The following GALNT17 variants were observed in gnomAD, a reference collection of about 807,000 sequenced individuals.
GALNT17 encodes polypeptide N-acetylgalactosaminyltransferase 17, also known as UDP-GalNAc:polypeptide N-acetylgalactosaminyltransferase-like 3.
In GALNT17, 29 loss-of-function variants were observed where a neutral mutation model predicts 63.7. The observed-to-expected ratio is 0.46, with a 90% CI of 0.34 to 0.62. The LOEUF (loss-of-function observed/expected upper bound fraction) is 0.62, where lower values mean the gene tolerates loss of function less well. Ranked by LOEUF, GALNT17 falls within the 20% of genes least tolerant of loss-of-function variation. The pLI is 0.01. For missense variants in GALNT17, 603 were observed against 799.6 expected (o/e 0.75, Z 2.97); for synonymous variants, 305 against 318.3 (o/e 0.96, Z 0.45).
At chr7:71,409,096 G>A (rs1793385505) in intron 3 of GALNT17, among the ~76,000 whole-genome samples, 1 of 150,614 alleles carries the variant, frequency 6.6e-6, no homozygotes, top group African/African-American at 2.5e-5. Context: ...TTTGGAAATG[G>A]CATGCCAAAC....
At chr7:71,322,285 G>T (rs1277672992) in intron 1 of GALNT17, among the ~76,000 whole-genome samples, 2 of 152,110 alleles carry the variant, frequency 1.3e-5, no homozygotes, top group Non-Finnish European at 2.9e-5. Flanking sequence ...TGTGGATAAA[G>T]CTATTCGGAG....
intron 2 of GALNT17, among the ~76,000 whole-genome samples, chr7:71,345,147 G>GTTTTTTTTTTTTTTTT (rs67919212): frequency 1.4e-5 from 2 of 139,452 alleles, no homozygotes; most frequent in East Asian, 2.1e-4. Flanking sequence ...GTTGTTTTTT[G>GTTTTTTTTTTTTTTTT]TTTTTTTTTT....
intron 5 of GALNT17, among the ~76,000 whole-genome samples, chr7:71,473,101 C>A (rs1480762921): frequency 6.6e-6 from 1 of 152,042 alleles, no homozygotes; most frequent in Non-Finnish European, 1.5e-5. Flanking sequence ...TGGTATGAGG[C>A]CATTGGTGAA....
intron 5 of GALNT17, among the ~76,000 whole-genome samples, chr7:71,456,573 G>A (rs185626406): frequency 7.9e-5 from 12 of 151,900 alleles, no homozygotes; most frequent in Admixed American, 4.6e-4. Context: ...AAACTTAGCC[G>A]GGCATGGTGG....
intron 3 of GALNT17, among the ~76,000 whole-genome samples, chr7:71,412,083 C>T (rs919237347): frequency 1.3e-5 from 2 of 152,164 alleles, no homozygotes; most frequent in Non-Finnish European, 2.9e-5. Flanking sequence ...CCGTCTGTAC[C>T]GCCTTGAGTA....
At chr7:71,238,747 A>C (rs1789940881) in intron 1 of GALNT17, among the ~76,000 whole-genome samples, 1 of 152,194 alleles carries the variant, frequency 6.6e-6, no homozygotes, top group Non-Finnish European at 1.5e-5. Context: ...GGGGGTCTCC[A>C]GCATTTATAC....
At chr7:71,181,617 T>C (rs4719089) in intron 1 of GALNT17, among the ~76,000 whole-genome samples, 43,327 of 151,242 alleles carry the variant, frequency 0.29, 10,666 homozygotes, top group African/African-American at 0.67. Flanking sequence ...CCTGTAATTC[T>C]AGCACTTTGG....
Position 71,133,035 on chromosome 7 carries a change from T to C in GALNT17, c.233T>C (p.Leu78Pro). The C allele has an allele frequency of 6.3e-7, 1 of 1,576,412 alleles. No individual in the cohort carries two copies. The highest frequency in any genetic ancestry group is 8.6e-7 in the Non-Finnish European group (1 of 1,162,400). The change falls in exon 1 of 11, where the codon CTG becomes CCG. Residue 78 changes from leucine to proline, a missense_variant. By Grantham distance (98) the Leu-to-Pro change is moderately conservative. Around this residue, in one of 3 missense-constraint regions of GALNT17, gnomAD observed 195 missense variants for 215.0 expected, o/e 0.91. Transcript: ENST00000333538. ...CTGGAGGACATCGTGTACCGGCAGC[T>C]GAATGGTAAGGACGCACGCCGGCGC... is the stretch of plus-strand genomic sequence containing the variant. The part of the protein sequence containing the change: ...SLLEDIVYRQ[L>P]NGLSKSLGLI...
At chr7:71,672,670 G>A (rs896062375) in intron 8 of GALNT17, among the ~76,000 whole-genome samples, 3 of 152,094 alleles carry the variant, frequency 2.0e-5, no homozygotes, top group African/African-American at 7.2e-5. Context: ...TCCTGTCTCA[G>A]CCTCCCGAGT....
At chr7:71,494,858 G>T (rs1328486863) in intron 5 of GALNT17, among the ~76,000 whole-genome samples, 1 of 152,208 alleles carries the variant, frequency 6.6e-6, no homozygotes, top group Non-Finnish European at 1.5e-5. Context: ...AGGAAAGCTT[G>T]TGCGGGGGAA....
intron 1 of GALNT17, among the ~76,000 whole-genome samples, chr7:71,157,298 A>T (rs1249266080): frequency 1.3e-5 from 2 of 151,948 alleles, no homozygotes; most frequent in Non-Finnish European, 2.9e-5. Context: ...AAATTAGTTT[A>T]TTCAATGAGA....
At chr7:71,666,781 T>C (rs948349899) in intron 7 of GALNT17, among the ~76,000 whole-genome samples, 12 of 146,148 alleles carry the variant, frequency 8.2e-5, no homozygotes, top group Non-Finnish European at 1.6e-4. Flanking sequence ...AAATGCTGTG[T>C]AAATAATTCT....
chr7:71,227,268 G>A (rs1583778398), intron 1 of GALNT17, among the ~76,000 whole-genome samples: 3 of 151,880 alleles, frequency 2.0e-5, no homozygotes, highest in East Asian at 1.9e-4. Context: ...GGAGACTGAG[G>A]CGGGAGAATT....
Position 71,477,237 on chromosome 7 carries a change from T to A in GALNT17, c.962+56132T>A, listed in dbSNP as rs28729790. ...TGTGTTGAGTGGGAACCAATGATTA[T>A]CTTGACTGACAGGCTTCCCTGCCCA... On this transcript the variant is annotated intron_variant, in intron 5 of 10. Transcript: ENST00000333538. Among the ~76,000 whole-genome samples the A allele has an allele frequency of 8.9e-3, 1,361 of 152,256 alleles. 15 individuals carry two copies. Among genetic ancestry groups the A allele is most frequent in the African/African-American group, 0.031 (1,285 of 41,544 alleles).
In GALNT17 at chr7:71,571,339, A is replaced by C. The variant is rs766485887; in HGVS notation, c.1017A>C (p.Glu339Asp). 1.2e-6 allele frequency: 2 copies of C among 1,614,036 alleles called. No individual in the cohort carries two copies. The highest frequency in any genetic ancestry group is 1.7e-6 in the Non-Finnish European group (2 of 1,179,954). ...TGGTCAACAGGAAGTTCTTCGGTGA[A>C]ATTGGTCTTCTGGATCCTGGCATGG... Reference protein sequence around the residue: ...SFVVNRKFFGEIGLLDPGMDV... With the variant: ...SFVVNRKFFGDIGLLDPGMDV... Residue 339 changes from glutamate to aspartate, a missense_variant, in exon 6 of 11, where the codon GAA becomes GAC. Physicochemically the swap from Glu to Asp is conservative, Grantham distance 45. Coordinates refer to ENST00000333538, the MANE Select transcript of GALNT17 (RefSeq NM_022479.3).
intron 1 of GALNT17, among the ~76,000 whole-genome samples, chr7:71,186,193 T>A (rs1788847752): frequency 6.6e-6 from 1 of 152,200 alleles, no homozygotes; most frequent in Admixed American, 6.5e-5. Flanking sequence ...ATTAATATTT[T>A]CTGGCTAATT....
At chr7:71,187,285 TC>T (rs1452048047) in intron 1 of GALNT17, among the ~76,000 whole-genome samples, 9,517 of 137,362 alleles carry the variant, frequency 0.069, 776 homozygotes, top group African/African-American at 0.19. Flanking sequence ...AATTTTTCTT[TC>T]TTTTTTTTTT....
At chr7:71,452,320 A>AG (rs1201081471) in intron 5 of GALNT17, among the ~76,000 whole-genome samples, 2 of 152,056 alleles carry the variant, frequency 1.3e-5, no homozygotes, top group African/African-American at 2.4e-5. Context: ...CTGAGGTGGG[A>AG]GGATCACTTG....
At chr7:71,569,117 A>G (rs913188649) in intron 5 of GALNT17, among the ~76,000 whole-genome samples, 3 of 152,098 alleles carry the variant, frequency 2.0e-5, no homozygotes, top group Non-Finnish European at 4.4e-5. Flanking sequence ...GACTAAAGGC[A>G]CGCACTACAA....
Sources: gnomAD v4.1 joint callset for allele counts (sites outside exome capture counted in the v4.1 genomes callset) on GRCh38, gnomAD v4.1.1 for gene constraint, gnomAD v4.1.1 regional missense constraint, MANE v1.5 for transcripts, NCBI Gene and HGNC (gene_info 2026-07-23, HGNC 2026-07-21) for gene names.